ADGRL2: variants seen among roughly 807,000 people sequenced by gnomAD.
ADGRL2 encodes adhesion G protein-coupled receptor L2, also known as calcium-independent alpha-latrotoxin receptor 2.
Under a neutral mutation model 157.4 loss-of-function variants are expected in ADGRL2, and 44 were observed. The ratio of observed to expected loss-of-function variants is 0.28; its 90% CI spans 0.22 to 0.36. The LOEUF is 0.36. ADGRL2 is among the 10% of genes least tolerant of loss of function. ADGRL2 has a pLI of 1.00. For missense variants in ADGRL2, 1,510 were observed against 1,768.9 expected, an observed-to-expected ratio of 0.85 and a Z score of 2.63; for synonymous variants, 585 against 624.7, an observed-to-expected ratio of 0.94 and a Z score of 0.95.
At chr1:81,870,751 G>A (rs985351745) in intron 2 of ADGRL2, among the ~76,000 whole-genome samples, 27 of 151,996 alleles carry the variant, frequency 1.8e-4, no homozygotes, top group African/African-American at 6.3e-4. Context: ...TTATGTGTTA[G>A]CATAGTTAAA....
At chr1:81,337,097 A>T (rs1326597796) in intron 1 of ADGRL2, among the ~76,000 whole-genome samples, 1 of 152,194 alleles carries the variant, frequency 6.6e-6, no homozygotes, top group Non-Finnish European at 1.5e-5. Flanking sequence ...TTCCAGGGGA[A>T]GACTAGCTTC....
intron 3 of ADGRL2, among the ~76,000 whole-genome samples, chr1:81,660,869 G>T (rs1382473200): frequency 6.6e-6 from 1 of 152,132 alleles, no homozygotes; most frequent in Non-Finnish European, 1.5e-5. Context: ...GCATACTTGG[G>T]TCTTGCAAGG....
chr1:81,689,983 C>T (rs911423570), intron 3 of ADGRL2, among the ~76,000 whole-genome samples: 1 of 152,114 alleles, frequency 6.6e-6, no homozygotes, highest in African/African-American at 2.4e-5. Flanking sequence ...TCTTCCATTC[C>T]CCAACATCTG....
chr1:81,958,819 T>C (rs1654437995), intron 11 of ADGRL2, among the ~76,000 whole-genome samples: 2 of 152,188 alleles, frequency 1.3e-5, no homozygotes, highest in African/African-American at 4.8e-5. Context: ...CAGAAACCAC[T>C]GATGTGCTTT....
chr1:81,346,223 C>G (rs1407001672), intron 1 of ADGRL2, among the ~76,000 whole-genome samples: 1 of 152,066 alleles, frequency 6.6e-6, no homozygotes, highest in Non-Finnish European at 1.5e-5. Context: ...AAAATATTTG[C>G]AAAATGAAAA....
intron 2 of ADGRL2, among the ~76,000 whole-genome samples, chr1:81,564,793 G>A (rs2080521984): frequency 6.6e-6 from 1 of 152,132 alleles, no homozygotes; most frequent in Admixed American, 6.5e-5. Context: ...AGTCAAGAAA[G>A]TGTTCTCAGA....
intron 2 of ADGRL2, among the ~76,000 whole-genome samples, chr1:81,547,463 A>G (rs570129418): frequency 4.6e-5 from 7 of 152,202 alleles, no homozygotes; most frequent in Non-Finnish European, 4.4e-5. Context: ...ATGTTCTCCT[A>G]TTTCTCTGTC....
intron 1 of ADGRL2, among the ~76,000 whole-genome samples, chr1:81,311,176 T>G (rs904676701): frequency 6.6e-6 from 1 of 152,220 alleles, no homozygotes; most frequent in Non-Finnish European, 1.5e-5. Context: ...CTTCATTAGA[T>G]AAGACGTACA....
intron 1 of ADGRL2, among the ~76,000 whole-genome samples, chr1:81,341,854 A>C (rs999642383): frequency 4.6e-5 from 7 of 152,208 alleles, no homozygotes. Flanking sequence ...ATTTTAGATC[A>C]AAATTTGAAC....
chr1:81,722,467 TTTCGTCAAA>T (rs2149132171), intron 1 of ADGRL2: 1 of 1,509,212 alleles, frequency 6.6e-7, no homozygotes, highest in East Asian at 2.3e-5. Flanking sequence ...GGGCCAGCGT[TTTCGTCAAA>T]TTACAGAAGC....
Position 81,368,833 on chromosome 1 carries a change from A to G in ADGRL2, c.-302+62324A>G, listed in dbSNP as rs77853820. On this transcript the variant is annotated intron_variant, in intron 1 of 24. Transcript: ENST00000370721. ...GCTCCATCCCATTTCCTGAGGCATG[A>G]ATGTGTTCACTCACATCTCCACATA... 3.0e-3 allele frequency among the ~76,000 whole-genome samples: 462 copies of G among 152,228 alleles called. 7 individuals carry two copies. In the South Asian group the frequency reaches 0.047, roughly 16 times the overall value.
intron 2 of ADGRL2, among the ~76,000 whole-genome samples, chr1:81,883,074 T>C (rs1042428512): frequency 7.9e-5 from 12 of 152,210 alleles, no homozygotes; most frequent in Admixed American, 2.6e-4. Context: ...GCAACAGCAG[T>C]TGGTTTGTGA....
intron 1 of ADGRL2, among the ~76,000 whole-genome samples, chr1:81,828,860 G>T (rs1050466468): frequency 3.3e-5 from 5 of 151,632 alleles, no homozygotes; most frequent in African/African-American, 1.2e-4. Flanking sequence ...TTCTTAATAG[G>T]TGTGTCCATG....
In ADGRL2 at chr1:81,866,455, A is replaced by G. The variant is rs539934552; in HGVS notation, c.73+29398A>G. ...TGTTTCATAGAATAGTACTTGGCAT[A>G]TATTAGTATAGTAGGCAGCTATTGG... is the stretch of plus-strand genomic sequence containing the variant. On this transcript the variant is annotated intron_variant, in intron 2 of 23. Transcript: ENST00000686636. Among the ~76,000 whole-genome samples the G allele has an allele frequency of 7.2e-5, 11 of 152,282 alleles. No homozygotes were observed. The South Asian group carries it at 1.5e-3, about 20-fold the overall frequency.
intron 3 of ADGRL2, among the ~76,000 whole-genome samples, chr1:81,603,035 A>G (rs1468286712): frequency 4.6e-5 from 7 of 152,342 alleles, no homozygotes; most frequent in Admixed American, 3.9e-4. Context: ...GACTGAGTGG[A>G]AAAAGCAACA....
intron 2 of ADGRL2, among the ~76,000 whole-genome samples, chr1:81,883,502 G>A (rs391255): frequency 0.92 from 140,580 of 152,192 alleles, 65,020 homozygotes; most frequent in African/African-American, 0.98. Context: ...TTCTAAGAGA[G>A]TATAAGCGAA....
intron 1 of ADGRL2, among the ~76,000 whole-genome samples, chr1:81,821,795 G>A (rs2091010211): frequency 6.6e-6 from 1 of 152,070 alleles, no homozygotes; most frequent in African/African-American, 2.4e-5. Flanking sequence ...AATTATTAAA[G>A]CATGTTAAAT....
At chr1:81,355,246 C>T (rs1209609081) in intron 1 of ADGRL2, among the ~76,000 whole-genome samples, 1 of 151,984 alleles carries the variant, frequency 6.6e-6, no homozygotes, top group Non-Finnish European at 1.5e-5. Flanking sequence ...GTAGTCCCAG[C>T]TACTCGGGAG....
At chr1:81,482,378 C>A (rs534069328) in intron 2 of ADGRL2, among the ~76,000 whole-genome samples, 1 of 151,796 alleles carries the variant, frequency 6.6e-6, no homozygotes, top group Non-Finnish European at 1.5e-5. Context: ...CCAAGTAATA[C>A]GTGTTTATTA....
Sources: gnomAD v4.1 joint callset for allele counts (sites outside exome capture counted in the v4.1 genomes callset) on GRCh38, gnomAD v4.1.1 for gene constraint, MANE v1.5 for transcripts, NCBI Gene and HGNC (gene_info 2026-07-23, HGNC 2026-07-21) for gene names.